The following SOX5 variants were observed in gnomAD, a reference collection of about 807,000 sequenced individuals.
SOX5 encodes SRY-box transcription factor 5, also known as transcription factor SOX-5.
A neutral mutation model predicts 92.0 loss-of-function variants in SOX5; 9 were observed. The observed-to-expected ratio is 0.10, with a 90% confidence interval of 0.06 to 0.17. The LOEUF (loss-of-function observed/expected upper bound fraction) is 0.17. SOX5 is among the 10% of genes least tolerant of loss of function. The probability of loss-of-function intolerance (pLI) is 1.00; values close to 1 mark genes in which losing one functional copy is unlikely to be tolerated. For synonymous variants in SOX5, 344 were observed against 336.3 expected, an observed-to-expected ratio of 1.02 and a Z score of -0.25; for missense variants, 642 against 944.5, an observed-to-expected ratio of 0.68 and a Z score of 4.20.
chr12:23,792,251 G>A (rs373003473), intron 3 of SOX5, among the ~76,000 whole-genome samples: 16 of 151,932 alleles, frequency 1.1e-4, no homozygotes, highest in Admixed American at 2.0e-4. Context: ...ATAGAGATAC[G>A]AAAACCCCAC....
At position 23,604,469 on chromosome 12, in the gene SOX5, G is replaced by A; in HGVS notation, c.1082C>T (p.Pro361Leu). 2 of 1,613,634 alleles carry A rather than the reference G, an allele frequency of 1.2e-6. No individual in the cohort carries two copies. Among genetic ancestry groups the A allele is most frequent in the South Asian group, 2.2e-5 (2 of 91,082 alleles). ...VSPGGKLPGI[P>L]QGNLGAAVSP... ...TACAGCAGCACCAAGGTTGCCTTGG[G>A]GTATGCCTGGCAGCTTCCCTCCTGG... Residue 361 changes from proline (P) to leucine (L), a missense_variant, in exon 9 of 15, where the codon CCC becomes CTC. This residue lies in a region of SOX5 where 324 missense variants were observed against 461.6 expected (regional missense o/e 0.70). Coordinates refer to ENST00000451604, the MANE Select transcript of SOX5 (RefSeq NM_006940.6).
intron 9 of SOX5, among the ~76,000 whole-genome samples, chr12:23,580,747 C>T (rs1949929518): frequency 6.6e-6 from 1 of 151,950 alleles, no homozygotes; most frequent in Admixed American, 6.6e-5. Flanking sequence ...GCTACGATAA[C>T]TTGTCTGAAA....
At chr12:23,947,800 T>C (rs1281647182) in intron 1 of SOX5, among the ~76,000 whole-genome samples, 1 of 151,302 alleles carries the variant, frequency 6.6e-6, no homozygotes, top group Admixed American at 6.6e-5. Flanking sequence ...AAGAGATAAT[T>C]GAAAAAAAAA....
At chr12:23,908,286 A>C (rs2097314374) in intron 1 of SOX5, among the ~76,000 whole-genome samples, 1 of 152,168 alleles carries the variant, frequency 6.6e-6, no homozygotes, top group Non-Finnish European at 1.5e-5. Flanking sequence ...ATGAGAAAGG[A>C]GGCCCACAGC....
At chr12:24,409,934 ATCTGTAGCTTGGTTTTTCG>A (rs1198830240) in intron 1 of SOX5, among the ~76,000 whole-genome samples, 1 of 150,862 alleles carries the variant, frequency 6.6e-6, no homozygotes, top group Admixed American at 6.6e-5. Flanking sequence ...TTTTATTCCA[ATCTGTAGCTTGGTTTTTCG>A]TCTGTAGCTT....
At chr12:23,957,186 A>C (rs1417864190) in intron 4 of SOX5, among the ~76,000 whole-genome samples, 1 of 152,210 alleles carries the variant, frequency 6.6e-6, no homozygotes, top group African/African-American at 2.4e-5. Flanking sequence ...ACATTCATAC[A>C]GCAATATAAG....
At chr12:24,043,045 T>C (rs1956665379) in intron 4 of SOX5, among the ~76,000 whole-genome samples, 2 of 152,162 alleles carry the variant, frequency 1.3e-5, no homozygotes, top group Admixed American at 1.3e-4. Context: ...ATAAAAATAA[T>C]TGATAATGCT....
chr12:23,588,081 T>C (rs1950995375), intron 9 of SOX5, among the ~76,000 whole-genome samples: 1 of 152,032 alleles, frequency 6.6e-6, no homozygotes, highest in Non-Finnish European at 1.5e-5. Context: ...TTCCAAGGGG[T>C]GATGACTATT....
rs1955209276 is a variant in SOX5 at position 24,179,394 on chromosome 12, T to C, written c.-2+33949A>G. On this transcript the variant is annotated intron_variant, in intron 4 of 4. Transcript: ENST00000446891. ...TATGCATTCAATAGAAATCATACTTTGAATTCTGATCTTTTCCCAGGCTAT... is the reference window on the plus strand; with the variant it reads ...TATGCATTCAATAGAAATCATACTTCGAATTCTGATCTTTTCCCAGGCTAT... Among the ~76,000 whole-genome samples the C allele has an allele frequency of 2.0e-5, 3 of 152,344 alleles. No homozygotes were observed. The South Asian group carries it at 6.2e-4, about 32-fold the overall frequency.
At chr12:24,437,762 A>T (rs909588025) in intron 1 of SOX5, among the ~76,000 whole-genome samples, 2 of 152,234 alleles carry the variant, frequency 1.3e-5, no homozygotes, top group Non-Finnish European at 2.9e-5. Context: ...TAGAATGGCG[A>T]TCATTAAAGT....
intron 1 of SOX5, among the ~76,000 whole-genome samples, chr12:24,405,524 C>A (rs1056801853): frequency 1.3e-5 from 2 of 152,090 alleles, no homozygotes; most frequent in Admixed American, 1.3e-4. Context: ...CAGAAGAGAC[C>A]TTCCTACATA....
intron 2 of SOX5, among the ~76,000 whole-genome samples, chr12:23,875,734 T>TACTC (rs953775378): frequency 6.6e-5 from 10 of 152,322 alleles, no homozygotes; most frequent in African/African-American, 2.4e-4. Context: ...ACACTACTAT[T>TACTC]ACTCTATTAA....
At chr12:23,893,707 G>C (rs1234640460) in intron 2 of SOX5, among the ~76,000 whole-genome samples, 1 of 152,170 alleles carries the variant, frequency 6.6e-6, no homozygotes, top group Admixed American at 6.5e-5. Context: ...GGACAGTGAT[G>C]AAAGTATTAA....
At chr12:24,462,576 C>T (rs187058260) in intron 1 of SOX5, among the ~76,000 whole-genome samples, 1 of 152,240 alleles carries the variant, frequency 6.6e-6, no homozygotes, top group East Asian at 1.9e-4. Context: ...TTCAGTTTTC[C>T]TACCTCTGCT....
chr12:23,769,289 G>T (rs1314703018), intron 3 of SOX5, among the ~76,000 whole-genome samples: 3 of 151,630 alleles, frequency 2.0e-5, no homozygotes, highest in Non-Finnish European at 4.4e-5. Flanking sequence ...TACATATTTT[G>T]GCCTTTCTGT....
At chr12:24,316,563 A>G (rs1044393477) in intron 2 of SOX5, among the ~76,000 whole-genome samples, 5 of 152,172 alleles carry the variant, frequency 3.3e-5, no homozygotes, top group Admixed American at 2.0e-4. Context: ...GGTGTGAAGG[A>G]AGGAAGGAAG....
intron 1 of SOX5, among the ~76,000 whole-genome samples, chr12:24,505,383 A>T (rs1024235392): frequency 1.3e-5 from 2 of 152,246 alleles, no homozygotes; most frequent in Admixed American, 6.5e-5. Context: ...TGTGATGGAA[A>T]TTAAAAACAA....
chr12:24,370,581 C>T (rs1226832468), intron 1 of SOX5, among the ~76,000 whole-genome samples: 3 of 151,626 alleles, frequency 2.0e-5, no homozygotes, highest in Admixed American at 2.0e-4. Context: ...TGCTTGATGC[C>T]AGGAGTGTGA....
At chr12:23,781,832 A>T (rs1364531717) in intron 3 of SOX5, among the ~76,000 whole-genome samples, 2 of 152,086 alleles carry the variant, frequency 1.3e-5, no homozygotes, top group African/African-American at 2.4e-5. Flanking sequence ...GGAAAACTGA[A>T]GCTAAATTAA....
Sources: gnomAD v4.1 joint callset for allele counts (sites outside exome capture counted in the v4.1 genomes callset) on GRCh38, gnomAD v4.1.1 for gene constraint, gnomAD v4.1.1 regional missense constraint, MANE v1.5 for transcripts, NCBI Gene and HGNC (gene_info 2026-07-23, HGNC 2026-07-21) for gene names.